The following PCDH9 variants were observed in gnomAD, a reference collection of about 807,000 sequenced individuals.
PCDH9 encodes the protein protocadherin 9.
In PCDH9, 24 loss-of-function variants were observed where a neutral mutation model predicts 70.6. The observed-to-expected ratio is 0.34, with a 90% confidence interval of 0.25 to 0.48. PCDH9 has a LOEUF of 0.48. PCDH9 is among the 20% of genes least tolerant of loss of function. The pLI is 0.99. For missense variants in PCDH9, 1,281 were observed against 1,503.6 expected, an observed-to-expected ratio of 0.85 and a Z score of 2.45; for synonymous variants, 562 against 558.5, an observed-to-expected ratio of 1.01 and a Z score of -0.09.
intron 4 of PCDH9, among the ~76,000 whole-genome samples, chr13:66,366,238 A>G (rs1265704564): frequency 4.6e-5 from 7 of 151,976 alleles, no homozygotes; most frequent in Non-Finnish European, 8.8e-5. Context: ...CCCAAATGCT[A>G]TTATTCTCAT....
chr13:66,848,723 G>A (rs887356108), intron 3 of PCDH9, among the ~76,000 whole-genome samples: 5 of 151,796 alleles, frequency 3.3e-5, no homozygotes, highest in African/African-American at 1.2e-4. Context: ...GGTCATGAGA[G>A]CGAGACCATC....
chr13:67,150,851 C>T (rs942541573), intron 2 of PCDH9, among the ~76,000 whole-genome samples: 1 of 152,170 alleles, frequency 6.6e-6, no homozygotes, highest in African/African-American at 2.4e-5. Flanking sequence ...TTGGCAAGCA[C>T]AGTTAGTCTT....
intron 4 of PCDH9, among the ~76,000 whole-genome samples, chr13:66,334,470 T>C (rs1345689834): frequency 1.3e-5 from 2 of 152,080 alleles, no homozygotes; most frequent in African/African-American, 4.8e-5. Context: ...AGAGAATGAA[T>C]GATGGAGACC....
intron 2 of PCDH9, among the ~76,000 whole-genome samples, chr13:67,176,965 G>A (rs1174933685): frequency 6.6e-6 from 1 of 152,060 alleles, no homozygotes; most frequent in Non-Finnish European, 1.5e-5. Context: ...GTTACTAAAT[G>A]TGTGATCTCT....
At chr13:67,102,749 C>G (rs1197841448) in intron 2 of PCDH9, among the ~76,000 whole-genome samples, 1 of 152,114 alleles carries the variant, frequency 6.6e-6, no homozygotes, top group African/African-American at 2.4e-5. Flanking sequence ...TATAAAACAT[C>G]TTATAAATCT....
At chr13:66,845,965 G>T (rs1299818974) in intron 3 of PCDH9, among the ~76,000 whole-genome samples, 1 of 151,986 alleles carries the variant, frequency 6.6e-6, no homozygotes, top group African/African-American at 2.4e-5. Flanking sequence ...TGGTAAATAT[G>T]TATTTACATA....
intron 4 of PCDH9, among the ~76,000 whole-genome samples, chr13:66,492,457 A>T (rs1437672193): frequency 6.8e-6 from 1 of 148,134 alleles, no homozygotes; most frequent in Non-Finnish European, 1.5e-5. Context: ...TAATAAATAT[A>T]TATAAATATA....
intron 4 of PCDH9, among the ~76,000 whole-genome samples, chr13:66,346,089 G>T (rs1027068103): frequency 7.2e-5 from 11 of 152,092 alleles, no homozygotes; most frequent in Non-Finnish European, 1.3e-4. Flanking sequence ...AAACTGGCAG[G>T]CGCAGTGATT....
intron 2 of PCDH9, among the ~76,000 whole-genome samples, chr13:66,924,984 A>AT (rs952341637): frequency 4.0e-4 from 61 of 151,836 alleles, no homozygotes; most frequent in African/African-American, 7.5e-4. Context: ...TATAAACATG[A>AT]TTTTTTTTAT....
At chr13:66,424,725 T>TCAACAACA (rs1957638606) in intron 4 of PCDH9, among the ~76,000 whole-genome samples, 1 of 151,854 alleles carries the variant, frequency 6.6e-6, no homozygotes. Flanking sequence ...AAGAAAAAGG[T>TCAACAACA]GAAGAAACAA....
At chr13:67,220,476 G>A (rs796286188) in intron 2 of PCDH9, 2 of 151,894 alleles carry the variant, frequency 1.3e-5, no homozygotes, top group African/African-American at 4.8e-5. Context: ...TTAATTTAAT[G>A]TATGAAATCA....
chr13:66,538,202 GAAA>G (rs1960787744), intron 4 of PCDH9, among the ~76,000 whole-genome samples: 1 of 152,048 alleles, frequency 6.6e-6, no homozygotes, highest in African/African-American at 2.4e-5. Context: ...GAGACAGAAA[GAAA>G]GATGATGCGG....
intron 2 of PCDH9, among the ~76,000 whole-genome samples, chr13:67,193,806 A>G (rs1307686927): frequency 2.0e-5 from 3 of 152,140 alleles, no homozygotes; most frequent in Non-Finnish European, 2.9e-5. Context: ...TGAAATCCCC[A>G]TGGAAACGAC....
intron 3 of PCDH9, among the ~76,000 whole-genome samples, chr13:66,868,432 A>G (rs912932065): frequency 2.6e-5 from 4 of 152,050 alleles, no homozygotes; most frequent in African/African-American, 4.8e-5. Context: ...TGTGGTTTTC[A>G]TATTCTCATA....
At chr13:66,519,934 A>G (rs1959914030) in intron 4 of PCDH9, among the ~76,000 whole-genome samples, 1 of 152,142 alleles carries the variant, frequency 6.6e-6, no homozygotes, top group South Asian at 2.1e-4. Flanking sequence ...AAAGTATCAC[A>G]CTAAATAAAC....
intron 2 of PCDH9, among the ~76,000 whole-genome samples, chr13:66,958,894 G>T (rs554725291): frequency 6.6e-6 from 1 of 152,260 alleles, no homozygotes; most frequent in South Asian, 2.1e-4. Flanking sequence ...TCTCAGAAAT[G>T]AAACTATTTA....
intron 2 of PCDH9, among the ~76,000 whole-genome samples, chr13:67,000,444 C>T (rs945431373): frequency 6.6e-6 from 1 of 151,342 alleles, no homozygotes; most frequent in Non-Finnish European, 1.5e-5. Flanking sequence ...AACTAACCTG[C>T]ACATTGTGCA....
intron 2 of PCDH9, among the ~76,000 whole-genome samples, chr13:67,177,295 A>G (rs1241666643): frequency 1.3e-5 from 2 of 151,992 alleles, no homozygotes; most frequent in Non-Finnish European, 2.9e-5. Flanking sequence ...CCAAGCTTCC[A>G]TATCTTCTCC....
chr13:66,544,630 T>C (rs926741961), intron 4 of PCDH9, among the ~76,000 whole-genome samples: 2 of 152,100 alleles, frequency 1.3e-5, no homozygotes, highest in Admixed American at 6.5e-5. Flanking sequence ...CTGCAGGTAC[T>C]TGCAATTATA....
Sources: allele counts gnomAD v4.1 joint callset (sites outside exome capture counted in the v4.1 genomes callset), GRCh38; gene constraint gnomAD v4.1.1; transcripts MANE v1.5; gene names NCBI Gene and HGNC (gene_info 2026-07-23, HGNC 2026-07-21).